The following PDE12 variants were observed in gnomAD, a reference collection of about 807,000 sequenced individuals.
PDE12 encodes 2',5'-phosphodiesterase 12.
Under a neutral mutation model 45.4 loss-of-function variants are expected in PDE12, and 26 were observed. The ratio of observed to expected loss-of-function variants is 0.57; its 90% CI spans 0.42 to 0.79. The LOEUF is 0.79. Ranked by LOEUF, PDE12 falls within the 30% of genes least tolerant of loss-of-function variation. The probability of loss-of-function intolerance (pLI) is 0.00; values close to 1 mark genes in which losing one functional copy is unlikely to be tolerated. For synonymous variants in PDE12, 283 were observed against 323.9 expected (o/e 0.87, Z 1.36); for missense variants, 668 against 790.0 (o/e 0.85, Z 1.85).
the PDE12 span, among the ~76,000 whole-genome samples, chr3:57,585,593 T>C: frequency 6.6e-6 from 1 of 151,872 alleles, no homozygotes; most frequent in Non-Finnish European, 1.5e-5. Context: ...TGTGCACATG[T>C]ACCCTAGAAC....
the PDE12 span, among the ~76,000 whole-genome samples, chr3:57,573,609 T>G: frequency 6.6e-6 from 1 of 152,128 alleles, no homozygotes; most frequent in African/African-American, 2.4e-5. Context: ...TGAGGCAGAG[T>G]ACTCACTCTT....
the PDE12 span, chr3:57,626,349 G>C: frequency 6.6e-6 from 1 of 152,232 alleles, no homozygotes; most frequent in African/African-American, 2.4e-5. Context: ...AACTAAATTT[G>C]GTTATTTAGA....
At chr3:57,580,328 A>T in the PDE12 span, among the ~76,000 whole-genome samples, 3 of 152,210 alleles carry the variant, frequency 2.0e-5, no homozygotes, top group Non-Finnish European at 4.4e-5. Context: ...GCATTTATTT[A>T]GCAAATATGT....
At chr3:57,583,843 C>T in the PDE12 span, 2 of 1,277,834 alleles carry the variant, frequency 1.6e-6, no homozygotes, top group Non-Finnish European at 1.1e-6. Flanking sequence ...CTAATAAAAA[C>T]TTTAGAGCAT....
Position 57,556,689 on chromosome 3 carries a change from G to T in PDE12, c.310G>T (p.Gly104Cys). The change falls in exon 1 of 3, where the codon GGC (glycine) becomes TGC (cysteine). Residue 104 changes from glycine (G) to cysteine (C), a missense_variant. By Grantham distance (159) the Gly-to-Cys change is radical. Transcript: ENST00000311180. The surrounding 1 kb of genome is among the most constrained non-coding windows in gnomAD (Gnocchi z 5.0). Reference protein sequence around the residue: ...KSRKSRPNASGGAACSGPGPE... With the variant: ...KSRKSRPNASCGAACSGPGPE... ...CAGGAAGAGCCGGCCGAATGCTAGC[G>T]GCGGTGCGGCCTGTTCAGGGCCGGG... 1 of 1,595,498 alleles carries T rather than the reference G, an allele frequency of 6.3e-7. No homozygotes were observed. Among genetic ancestry groups the T allele is most frequent in the African/African-American group, 1.3e-5 (1 of 74,752 alleles).
the PDE12 span, among the ~76,000 whole-genome samples, chr3:57,632,654 T>C: frequency 6.6e-6 from 1 of 152,184 alleles, no homozygotes; most frequent in Non-Finnish European, 1.5e-5. Context: ...TATTAATAAC[T>C]GCAAAAAGTT....
At chr3:57,582,479 G>A in the PDE12 span, among the ~76,000 whole-genome samples, 1 of 152,062 alleles carries the variant, frequency 6.6e-6, no homozygotes, top group East Asian at 1.9e-4. Flanking sequence ...CTGACCTCGT[G>A]ATCCGCCCGC....
Position 57,556,344 on chromosome 3 carries a change from G to C in PDE12, c.-36G>C, listed in dbSNP as rs966198857. ...CCACCTGACAGTAGGCCGCTGATCG[G>C]CCGCGGGTCTTGTCGACCGCTAGGC... On this transcript the variant is annotated 5_prime_UTR_variant, in exon 1 of 3. Transcript: ENST00000311180. The surrounding 1 kb of genome is among the most constrained non-coding windows in gnomAD (Gnocchi z 5.0). 9 of 1,520,742 alleles carry C rather than the reference G, an allele frequency of 5.9e-6. No homozygotes were observed. The African/African-American group carries it at 1.2e-4, about 21-fold the overall frequency. 94.2% of individuals were successfully genotyped at this position (1,520,742 alleles called of 1,614,324 possible).
Position 57,559,668 on chromosome 3 carries a change from T to C in PDE12, c.1494T>C (p.Asn498=), listed in dbSNP as rs2069706547. 4 of 1,614,066 alleles carry C rather than the reference T, an allele frequency of 2.5e-6. No individual in the cohort carries two copies. Among genetic ancestry groups the C allele is most frequent in the African/African-American group, 2.7e-5 (2 of 74,932 alleles). The change falls in exon 3 of 3, where the codon AAT becomes AAC. Residue 498 remains asparagine (N), a synonymous_variant. Transcript: ENST00000311180. ...GIPVIFCGDF[N]STPSTGMYHF... ...CAGTTATATTTTGTGGGGACTTTAA[T>C]AGTACACCATCAACAGGAATGTATC...
At chr3:57,568,068 CAAAA>C (rs11360766), downstream of PDE12, among the ~76,000 whole-genome samples, 2 of 47,546 alleles carry the variant, frequency 4.2e-5, no homozygotes, top group Admixed American at 3.4e-4. Flanking sequence ...GACTCCATCT[CAAAA>C]AAAAAAAAAA....
rs1167998422 is a variant in PDE12, at chr3:57,563,473, G to A, written c.*3469G>A. The A allele has an allele frequency of 2.0e-5, 3 of 152,072 alleles. No individual in the cohort carries two copies. Among genetic ancestry groups the A allele is most frequent in the Non-Finnish European group, 4.4e-5 (3 of 68,030 alleles). The allele number at this position is 152,072 out of a possible 1,614,324, so 9.4% of individuals were successfully genotyped here. ...CCCGTTAACTCGTCATTTACATTAG[G>A]TATTTCTCCTAATGCTATCCCTCCC... On this transcript the variant is annotated 3_prime_UTR_variant, in exon 3 of 3. Transcript: ENST00000311180.
the PDE12 span, chr3:57,630,679 C>G: frequency 6.3e-7 from 1 of 1,582,032 alleles, no homozygotes; most frequent in South Asian, 1.2e-5. Context: ...AAATAAAGCA[C>G]GACACATGGG....
At chr3:57,559,413 T>C in intron 2 of PDE12, 25 bp downstream of exon 2, 1 of 1,586,334 alleles carries the variant, frequency 6.3e-7, no homozygotes, top group East Asian at 2.2e-5. Context: ...GTATCACAAG[T>C]GACTTAAACA....
At chr3:57,647,982 G>A in the PDE12 span, among the ~76,000 whole-genome samples, 1 of 151,990 alleles carries the variant, frequency 6.6e-6, no homozygotes, top group Non-Finnish European at 1.5e-5. Context: ...TATTAGCTTG[G>A]GGGACAAAGT....
chr3:57,568,631 G>A (rs1234965542), downstream of PDE12, among the ~76,000 whole-genome samples: 1 of 149,288 alleles, frequency 6.7e-6, no homozygotes, highest in Non-Finnish European at 1.5e-5. Flanking sequence ...ATATTTACCA[G>A]GTTGGTCTCA....
chr3:57,561,124 G>C lies in PDE12; in HGVS notation c.*1120G>C. 2 of 985,132 alleles carry C rather than the reference G, an allele frequency of 2.0e-6. No homozygotes were observed. The highest frequency in any genetic ancestry group is 4.7e-5 in the South Asian group (1 of 21,274). 61.0% of individuals were successfully genotyped at this position (985,132 alleles called of 1,614,324 possible). ...AAGTGAGTAGCAACATATTCAACTT[G>C]ATCCCATTGTCTTCAGTTACTCTTG... On this transcript the variant is annotated 3_prime_UTR_variant, in exon 3 of 3. Coordinates refer to ENST00000311180, the MANE Select transcript of PDE12 (RefSeq NM_177966.7).
At chr3:57,656,482 T>C in the PDE12 span, among the ~76,000 whole-genome samples, 2 of 152,226 alleles carry the variant, frequency 1.3e-5, no homozygotes, top group African/African-American at 4.8e-5. Flanking sequence ...AAAGCTACTA[T>C]ATAGACATTT....
chr3:57,635,536 A>C, the PDE12 span, among the ~76,000 whole-genome samples: 1 of 152,188 alleles, frequency 6.6e-6, no homozygotes, highest in South Asian at 2.1e-4. Flanking sequence ...AAAAGAACCT[A>C]AGAACTGAAA....
chr3:57,596,961 G>C, the PDE12 span: 1 of 1,184,326 alleles, frequency 8.4e-7, no homozygotes, highest in Non-Finnish European at 1.2e-6. Flanking sequence ...CCCCCGACCC[G>C]GCGCCCCTCC....
Sources: allele counts gnomAD v4.1 joint callset (sites outside exome capture counted in the v4.1 genomes callset), GRCh38; gene constraint gnomAD v4.1.1; non-coding constraint Gnocchi (gnomAD v3.1); transcripts MANE v1.5; gene names NCBI Gene and HGNC (gene_info 2026-07-23, HGNC 2026-07-21).